The following KSR1 variants were observed in gnomAD, a reference collection of about 807,000 sequenced individuals.
The protein encoded by KSR1 is kinase suppressor of ras 1.
A neutral mutation model predicts 92.9 loss-of-function variants in KSR1; 35 were observed. That is an observed-to-expected ratio of 0.38 (90% CI 0.29 to 0.50). The LOEUF is 0.50. Among genes scored for constraint, KSR1 ranks in the 20% least tolerant of loss-of-function variants. The pLI, the probability that KSR1 is intolerant of heterozygous loss-of-function variation, is 0.94. For synonymous variants in KSR1, 467 were observed against 472.6 expected, an observed-to-expected ratio of 0.99 and a Z score of 0.15; for missense variants, 972 against 1,158.5, an observed-to-expected ratio of 0.84 and a Z score of 2.34.
chr17:27,501,280 A>ATTTTTTTTTTTTTTTTTT (rs1567768215), intron 1 of KSR1, among the ~76,000 whole-genome samples: 1 of 60,722 alleles, frequency 1.6e-5, no homozygotes, highest in Non-Finnish European at 3.5e-5. Context: ...TTTTTTTTTA[A>ATTTTTTTTTTTTTTTTTT]TTTCTTTTCT....
intron 1 of KSR1, among the ~76,000 whole-genome samples, chr17:27,491,338 TGTGTGTGTGTGTGTTGG>T (rs2068821712): frequency 8.2e-6 from 1 of 122,540 alleles, no homozygotes; most frequent in Non-Finnish European, 1.8e-5. Flanking sequence ...TGTGTGTGTG[TGTGTGTGTGTGTGTTGG>T]GGGTGGGGTA....
intron 1 of KSR1, among the ~76,000 whole-genome samples, chr17:27,499,845 G>A (rs1350293963): frequency 6.6e-6 from 1 of 152,234 alleles, no homozygotes; most frequent in Non-Finnish European, 1.5e-5. Context: ...GGGGGTGTAC[G>A]AGGCCTTCTG....
At chr17:27,507,080 G>A (rs1043636569) in intron 1 of KSR1, among the ~76,000 whole-genome samples, 15 of 152,188 alleles carry the variant, frequency 9.9e-5, no homozygotes, top group Non-Finnish European at 2.2e-4. Flanking sequence ...AGTCCTAGTC[G>A]GGGTGTGCAG....
intron 2 of KSR1, among the ~76,000 whole-genome samples, chr17:27,557,170 G>A (rs779904777): frequency 9.5e-4 from 144 of 152,324 alleles, no homozygotes; most frequent in Middle Eastern, 3.4e-3. Context: ...AGCTGGTCTG[G>A]TTTGGAGGAT....
rs1044408611 is a variant in KSR1 at position 27,551,391 on chromosome 17, G to C, written c.372+683G>C. On this transcript the variant is annotated intron_variant, in intron 2 of 20. Transcript: ENST00000644974. ...CTACTTGGCAGGCATGGTTCACCCAGTCAGATCTCATAAATCCCCTACTTC... is the reference window on the plus strand; with the variant it reads ...CTACTTGGCAGGCATGGTTCACCCACTCAGATCTCATAAATCCCCTACTTC... Among the ~76,000 whole-genome samples the C allele has an allele frequency of 3.9e-5, 6 of 151,976 alleles. No individual in the cohort carries two copies. The East Asian group carries it at 1.2e-3, about 29-fold the overall frequency.
intron 2 of KSR1, among the ~76,000 whole-genome samples, chr17:27,568,462 G>A (rs2072172215): frequency 6.6e-6 from 1 of 152,258 alleles, no homozygotes; most frequent in African/African-American, 2.4e-5. Flanking sequence ...TGGCACCAGG[G>A]CCCTCACTGG....
chr17:27,532,822 C>G (rs949957656), intron 1 of KSR1, among the ~76,000 whole-genome samples: 6 of 152,228 alleles, frequency 3.9e-5, no homozygotes, highest in African/African-American at 1.4e-4. Context: ...TCAGTGATGT[C>G]TCCATCTGCA....
At chr17:27,527,387 A>AACC (rs1567794396) in intron 1 of KSR1, among the ~76,000 whole-genome samples, 1 of 13,238 alleles carries the variant, frequency 7.6e-5, no homozygotes, top group Non-Finnish European at 1.6e-4. Flanking sequence ...GCAGTGGCAC[A>AACC]CCCGCCCCCC....
chr17:27,616,021 C>G (rs1270577261), intron 18 of KSR1, among the ~76,000 whole-genome samples: 1 of 152,176 alleles, frequency 6.6e-6, no homozygotes, highest in East Asian at 1.9e-4. Flanking sequence ...TTTCTGGAAG[C>G]ATCTAGGATT....
At chr17:27,495,527 T>A (rs904249978) in intron 1 of KSR1, among the ~76,000 whole-genome samples, 1 of 152,186 alleles carries the variant, frequency 6.6e-6, no homozygotes, top group Non-Finnish European at 1.5e-5. Flanking sequence ...CCCCCTGATC[T>A]GCCCCAAAGG....
chr17:27,618,736 A>G (rs890696152), intron 19 of KSR1, among the ~76,000 whole-genome samples: 2 of 152,214 alleles, frequency 1.3e-5, no homozygotes, highest in African/African-American at 2.4e-5. Flanking sequence ...CCCCCCAACC[A>G]TGTAGAAAGT....
At chr17:27,494,764 ACGTCGTGAG>A (rs2068930140) in intron 1 of KSR1, among the ~76,000 whole-genome samples, 1 of 152,190 alleles carries the variant, frequency 6.6e-6, no homozygotes, top group African/African-American at 2.4e-5. Flanking sequence ...CTCAGCATTG[ACGTCGTGAG>A]AATGAAAGCT....
chr17:27,625,565 A>AGAG lies in KSR1; in HGVS notation c.*2174_*2175insAGG, dbSNP rs2074323500. ...GAAGGACTGGGGGCAGCTGGCTCTCAGCCTGCCACCTCTGCACTGCCTGCC... is the reference window on the plus strand; with the variant it reads ...GAAGGACTGGGGGCAGCTGGCTCTCAGAGGCCTGCCACCTCTGCACTGCCTGCC... On this transcript the variant is annotated 3_prime_UTR_variant, in exon 21 of 21. Coordinates refer to ENST00000644974, the MANE Select transcript of KSR1 (RefSeq NM_001394583.1). 1 of 152,246 alleles carries AGAG rather than the reference A, an allele frequency of 6.6e-6. No homozygotes were observed. The highest frequency in any genetic ancestry group is 1.5e-5 in the Non-Finnish European group (1 of 68,052). 9.4% of individuals were successfully genotyped at this position (152,246 alleles called of 1,614,324 possible). A position where few individuals can be genotyped will look rare whatever the true frequency, so the allele number is the denominator to read the frequency against.
chr17:27,547,604 CA>C (rs2071226069), intron 1 of KSR1, among the ~76,000 whole-genome samples: 1 of 152,140 alleles, frequency 6.6e-6, no homozygotes. Context: ...GACTCTATCA[CA>C]GGTTTTTTTT....
chr17:27,474,912 A>C (rs1407785824), intron 1 of KSR1, among the ~76,000 whole-genome samples: 1 of 152,186 alleles, frequency 6.6e-6, no homozygotes, highest in Non-Finnish European at 1.5e-5. Flanking sequence ...CCCATCCCTA[A>C]AAATACCACA....
chr17:27,568,492 C>T (rs993626843), intron 2 of KSR1, among the ~76,000 whole-genome samples: 1 of 152,356 alleles, frequency 6.6e-6, no homozygotes, highest in Admixed American at 6.5e-5. Context: ...GAGCTCTTGC[C>T]CTGTGCATGT....
At chr17:27,617,619 C>T in intron 19 of KSR1, 191 bp downstream of exon 19, 1 of 621,038 alleles carries the variant, frequency 1.6e-6, no homozygotes, top group Non-Finnish European at 2.7e-6. Flanking sequence ...CCTCCGCCTC[C>T]TGGGTTCAAG....
intron 1 of KSR1, among the ~76,000 whole-genome samples, chr17:27,495,374 G>C (rs545016891): frequency 6.6e-6 from 1 of 152,292 alleles, no homozygotes; most frequent in East Asian, 1.9e-4. Context: ...GTGACTGTGG[G>C]TGTTTATTTA....
At chr17:27,558,735 A>G (rs2071707814) in intron 2 of KSR1, among the ~76,000 whole-genome samples, 1 of 150,890 alleles carries the variant, frequency 6.6e-6, no homozygotes, top group Admixed American at 6.6e-5. Context: ...AGGGAACAAA[A>G]TCCGTGAAGT....
Sources: gnomAD v4.1 joint callset for allele counts (sites outside exome capture counted in the v4.1 genomes callset) on GRCh38, gnomAD v4.1.1 for gene constraint, MANE v1.5 for transcripts, NCBI Gene and HGNC (gene_info 2026-07-23, HGNC 2026-07-21) for gene names.